ARNT2: variants seen among roughly 807,000 people sequenced by gnomAD.
The protein encoded by ARNT2 is ARNT protein 2.
A neutral mutation model predicts 91.7 loss-of-function variants in ARNT2; 36 were observed. The observed-to-expected ratio is 0.39, with a 90% CI of 0.30 to 0.52. The LOEUF (loss-of-function observed/expected upper bound fraction) is 0.52. Ranked by LOEUF, ARNT2 falls within the 20% of genes least tolerant of loss-of-function variation. ARNT2 has a pLI of 0.72. For synonymous variants in ARNT2, 365 were observed against 347.1 expected (o/e 1.05, Z -0.57); for missense variants, 775 against 939.3 (o/e 0.83, Z 2.29).
intron 5 of ARNT2, among the ~76,000 whole-genome samples, chr15:80,481,530 C>A (rs1896889465): frequency 6.6e-6 from 1 of 152,046 alleles, no homozygotes; most frequent in Admixed American, 6.6e-5. Flanking sequence ...AGTATCATAG[C>A]AAGACCTTAC....
At chr15:80,459,244 T>C (rs1276162099) in intron 3 of ARNT2, among the ~76,000 whole-genome samples, 1 of 152,254 alleles carries the variant, frequency 6.6e-6, no homozygotes, top group Non-Finnish European at 1.5e-5. Flanking sequence ...TGGTCACTAA[T>C]GACCTTGGAG....
intron 5 of ARNT2, among the ~76,000 whole-genome samples, chr15:80,496,273 T>C (rs1897125455): frequency 6.6e-6 from 1 of 152,196 alleles, no homozygotes; most frequent in South Asian, 2.1e-4. Context: ...CATTCCTGTG[T>C]GAATTCACCA....
chr15:80,595,398 G>T lies in ARNT2; in HGVS notation c.*1700G>T, dbSNP rs1417120990. ...CCCATGGATTCTGCAGGACCTAGAA[G>T]AGTGGCATTGGTTCTAGGAACCTGA... On this transcript the variant is annotated 3_prime_UTR_variant, in exon 19 of 19. Transcript: ENST00000303329. 7 of 152,266 alleles carry T rather than the reference G, an allele frequency of 4.6e-5. 1 individual carries two copies. The highest frequency in any genetic ancestry group is 8.8e-5 in the Non-Finnish European group (6 of 68,072). The allele number at this position is 152,266 out of a possible 1,614,324, so 9.4% of individuals were successfully genotyped here.
intron 17 of ARNT2, among the ~76,000 whole-genome samples, chr15:80,589,350 G>T (rs1161729288): frequency 6.6e-6 from 1 of 152,120 alleles, no homozygotes; most frequent in African/African-American, 2.4e-5. Context: ...AGATGCTGTG[G>T]GGTGGGGGTG....
intron 5 of ARNT2, among the ~76,000 whole-genome samples, chr15:80,480,149 G>A (rs1287423323): frequency 6.6e-6 from 1 of 152,188 alleles, no homozygotes; most frequent in East Asian, 1.9e-4. Context: ...TGGGAGTGGT[G>A]TCAGGGAGGG....
At chr15:80,516,395 T>C (rs996327102) in intron 8 of ARNT2, among the ~76,000 whole-genome samples, 3 of 152,178 alleles carry the variant, frequency 2.0e-5, no homozygotes, top group African/African-American at 7.2e-5. Flanking sequence ...TGTTAGGGAT[T>C]GTTATATTTT....
intron 8 of ARNT2, among the ~76,000 whole-genome samples, chr15:80,534,860 C>T (rs748927187): frequency 6.6e-5 from 10 of 152,124 alleles, no homozygotes; most frequent in Non-Finnish European, 1.2e-4. Context: ...GTTACCCTGC[C>T]GAACAGGATA....
chr15:80,527,879 G>GC (rs1459723269), intron 8 of ARNT2, among the ~76,000 whole-genome samples: 2 of 152,218 alleles, frequency 1.3e-5, no homozygotes, highest in Admixed American at 1.3e-4. Flanking sequence ...CAGGGAGATA[G>GC]CATCAGATCT....
At position 80,509,679 on chromosome 15, in the gene ARNT2, C is replaced by T. The variant is rs959560070; in HGVS notation, c.725+1421C>T. Among the ~76,000 whole-genome samples, 32 of 152,128 alleles carry T rather than the reference C, an allele frequency of 2.1e-4. 1 individual carries two copies. Among genetic ancestry groups the T allele is most frequent in the Non-Finnish European group, 2.9e-5 (2 of 67,990 alleles). On this transcript the variant is annotated intron_variant, in intron 6 of 18. Coordinates refer to ENST00000303329, the MANE Select transcript of ARNT2 (RefSeq NM_014862.4). ...TATAGGGTGGGAGGGGAAGACATCA[C>T]TGATAAGGTGACTTTTGAGCAGAGA...
At chr15:80,418,712 A>C (rs1309051613) in intron 1 of ARNT2, among the ~76,000 whole-genome samples, 1 of 152,168 alleles carries the variant, frequency 6.6e-6, no homozygotes, top group Non-Finnish European at 1.5e-5. Flanking sequence ...CTGCCTGCAC[A>C]TCTGAAACTT....
chr15:80,596,993 TCCAA>T lies in ARNT2; in HGVS notation c.*3297_*3300del. The T allele has an allele frequency of 5.4e-6, 2 of 372,564 alleles. No homozygotes were observed. The highest frequency in any genetic ancestry group is 1.1e-5 in the Non-Finnish European group (2 of 188,128). 23.1% of individuals were successfully genotyped at this position (372,564 alleles called of 1,614,324 possible). A position where few individuals can be genotyped will look rare whatever the true frequency, so the allele number is the denominator to read the frequency against. The stretch of plus-strand genomic sequence containing the variant: ...CAAATAGCCACATTCTGCTCTACTC[TCCAA>T]CATACCAGATTCTACACTGTTGTTA... On this transcript the variant is annotated 3_prime_UTR_variant, in exon 19 of 19. Coordinates refer to ENST00000303329, the MANE Select transcript of ARNT2 (RefSeq NM_014862.4).
At chr15:80,578,729 T>C (rs564218909) in intron 15 of ARNT2, among the ~76,000 whole-genome samples, 10 of 152,172 alleles carry the variant, frequency 6.6e-5, no homozygotes, top group Admixed American at 2.0e-4. Flanking sequence ...TCCGAACACC[T>C]GTGCAGAGCC....
intron 15 of ARNT2, chr15:80,579,895 G>C (rs1432252968): frequency 1.3e-5 from 2 of 159,042 alleles, no homozygotes; most frequent in Non-Finnish European, 2.8e-5. Context: ...TGGGTAGCAG[G>C]ACTAGGCCCC....
At chr15:80,414,143 A>C (rs1248317303) in intron 1 of ARNT2, among the ~76,000 whole-genome samples, 1 of 152,062 alleles carries the variant, frequency 6.6e-6, no homozygotes, top group Non-Finnish European at 1.5e-5. Context: ...CATGTGAGAA[A>C]CCTGGGCACA....
chr15:80,582,328 C>CAAA (rs537139420), intron 17 of ARNT2, among the ~76,000 whole-genome samples: 1 of 66,798 alleles, frequency 1.5e-5, no homozygotes. Context: ...CCTGTCTCTA[C>CAAA]AAAAAAAAAA....
chr15:80,445,449 T>G (rs111707407), intron 1 of ARNT2, among the ~76,000 whole-genome samples: 4 of 150,184 alleles, frequency 2.7e-5, no homozygotes, highest in African/African-American at 9.8e-5. Context: ...GAGTGTTGTG[T>G]ATGTGTGTTG....
intron 1 of ARNT2, among the ~76,000 whole-genome samples, chr15:80,407,228 C>T (rs150411659): frequency 7.2e-4 from 110 of 152,320 alleles, no homozygotes; most frequent in African/African-American, 2.5e-3. Flanking sequence ...CTCCCCACGC[C>T]CCCACTTGTT....
intron 13 of ARNT2, 113 bp downstream of exon 13, chr15:80,574,333 C>T: frequency 2.9e-6 from 3 of 1,033,656 alleles, no homozygotes; most frequent in Non-Finnish European, 4.5e-6. Context: ...CCCCATCCCC[C>T]CACTACAATG....
intron 1 of ARNT2, among the ~76,000 whole-genome samples, chr15:80,426,680 C>T (rs1895936547): frequency 6.6e-6 from 1 of 152,202 alleles, no homozygotes; most frequent in South Asian, 2.1e-4. Flanking sequence ...TTTAGAGCAA[C>T]CCATTTCATG....
Sources: allele counts gnomAD v4.1 joint callset (sites outside exome capture counted in the v4.1 genomes callset), GRCh38; gene constraint gnomAD v4.1.1; transcripts MANE v1.5; gene names NCBI Gene and HGNC (gene_info 2026-07-23, HGNC 2026-07-21).